The following GLG1 variants were observed in gnomAD, a reference collection of about 807,000 sequenced individuals.
The protein encoded by GLG1 is golgi glycoprotein 1.
A neutral mutation model predicts 160.5 loss-of-function variants in GLG1; 38 were observed. That is an observed-to-expected ratio of 0.24 (90% CI 0.18 to 0.31). The LOEUF is 0.31. Among genes scored for constraint, GLG1 ranks in the 10% least tolerant of loss-of-function variants. The pLI, the probability that GLG1 is intolerant of heterozygous loss-of-function variation, is 1.00. For missense variants in GLG1, 1,373 were observed against 1,505.2 expected, an observed-to-expected ratio of 0.91 and a Z score of 1.45; for synonymous variants, 644 against 543.4, an observed-to-expected ratio of 1.19 and a Z score of -2.57.
chr16:74,518,797 A>G (rs1380739043), intron 2 of GLG1, among the ~76,000 whole-genome samples: 2 of 152,196 alleles, frequency 1.3e-5, no homozygotes, highest in African/African-American at 2.4e-5. Flanking sequence ...CAATCTATCC[A>G]TGTGACAAAG....
chr16:74,579,320 C>A (rs1423877022), intron 1 of GLG1, among the ~76,000 whole-genome samples: 1 of 150,960 alleles, frequency 6.6e-6, no homozygotes, highest in African/African-American at 2.4e-5. Flanking sequence ...GAGGCTGAGA[C>A]AGGAGGATCA....
chr16:74,535,515 G>A (rs947074435), intron 1 of GLG1, among the ~76,000 whole-genome samples: 15 of 152,082 alleles, frequency 9.9e-5, no homozygotes, highest in Admixed American at 1.3e-4. Context: ...TCAATACAGC[G>A]TCCACCTCTT....
chr16:74,484,079 C>T (rs990928832), intron 9 of GLG1, among the ~76,000 whole-genome samples: 1 of 152,032 alleles, frequency 6.6e-6, no homozygotes, highest in African/African-American at 2.4e-5. Flanking sequence ...CTTCCCTCTC[C>T]CCTGCCCCCT....
chr16:74,579,727 AAAAAC>A (rs751889571), intron 1 of GLG1, among the ~76,000 whole-genome samples: 1 of 151,314 alleles, frequency 6.6e-6, no homozygotes, highest in Non-Finnish European at 1.5e-5. Flanking sequence ...CTCAAAAACA[AAAAAC>A]AAAACAAAAC....
intron 1 of GLG1, among the ~76,000 whole-genome samples, chr16:74,549,344 A>G (rs2018136077): frequency 6.6e-6 from 1 of 152,022 alleles, no homozygotes; most frequent in East Asian, 1.9e-4. Flanking sequence ...CCCAGGCTGA[A>G]GTGCAGTGAT....
chr16:74,498,448 G>GTGTGTATATATATATATATATATA (rs1491436581), intron 4 of GLG1, among the ~76,000 whole-genome samples: 1 of 24,054 alleles, frequency 4.2e-5, no homozygotes, highest in Non-Finnish European at 7.7e-5. Flanking sequence ...AAAAAAAAAA[G>GTGTGTATATATATATATATATATA]TATATATATA....
At chr16:74,585,073 T>G (rs996575196) in intron 1 of GLG1, among the ~76,000 whole-genome samples, 2 of 152,012 alleles carry the variant, frequency 1.3e-5, no homozygotes, top group African/African-American at 4.8e-5. Flanking sequence ...AAAAAAAATT[T>G]TTAAAACCCT....
At chr16:74,472,496 T>C in intron 13 of GLG1, 85 bp from the exon 14 acceptor site, 1 of 1,340,676 alleles carries the variant, frequency 7.5e-7, no homozygotes, top group Non-Finnish European at 1.0e-6. Flanking sequence ...GAATCAGTAA[T>C]ATCTGATGGG....
chr16:74,448,730 C>T lies in GLG1; in HGVS notation c.*4437G>A, dbSNP rs2014168239. ...TTGCGCCACTGCACTCCAGCCTGGGCAACGAGTGAAACTGTGTCTCAAAAG... is the reference window on the plus strand; with the variant it reads ...TTGCGCCACTGCACTCCAGCCTGGGTAACGAGTGAAACTGTGTCTCAAAAG... On this transcript the variant is annotated 3_prime_UTR_variant, in exon 26 of 26. Transcript: ENST00000422840. The T allele has an allele frequency of 9.4e-6, 1 of 105,916 alleles. No individual in the cohort carries two copies. Among genetic ancestry groups the T allele is most frequent in the East Asian group, 3.0e-4 (1 of 3,322 alleles). The allele number at this position is 105,916 out of a possible 1,614,324, so 6.6% of individuals were successfully genotyped here.
chr16:74,534,718 T>G (rs906584075), intron 1 of GLG1, among the ~76,000 whole-genome samples: 11 of 152,088 alleles, frequency 7.2e-5, no homozygotes, highest in Non-Finnish European at 2.9e-5. Context: ...TGTAAGTCTG[T>G]ACCGCCTCCT....
intron 2 of GLG1, among the ~76,000 whole-genome samples, chr16:74,513,277 G>A (rs140266578): frequency 5.3e-5 from 8 of 152,224 alleles, no homozygotes; most frequent in Middle Eastern, 3.4e-3. Flanking sequence ...GAGATACTTA[G>A]AATAAAGTAA....
intron 1 of GLG1, among the ~76,000 whole-genome samples, chr16:74,537,740 GT>G (rs1313808495): frequency 7.0e-6 from 1 of 143,518 alleles, no homozygotes; most frequent in Non-Finnish European, 1.5e-5. Flanking sequence ...TGAATTTCAA[GT>G]TTTTTTAATG....
intron 2 of GLG1, among the ~76,000 whole-genome samples, chr16:74,519,007 A>G (rs1045314855): frequency 6.6e-6 from 1 of 152,192 alleles, no homozygotes; most frequent in African/African-American, 2.4e-5. Context: ...AGGATTATAA[A>G]TCATTATATG....
At chr16:74,588,849 G>C (rs545978435) in intron 1 of GLG1, among the ~76,000 whole-genome samples, 61 of 152,070 alleles carry the variant, frequency 4.0e-4, no homozygotes, top group African/African-American at 1.4e-3. Flanking sequence ...AGATTAAAAG[G>C]GTTCCATAAA....
At position 74,459,157 on chromosome 16, in the gene GLG1, T is replaced by C. The variant is rs369189574; in HGVS notation, c.3144+525A>G. Among the ~76,000 whole-genome samples the C allele has an allele frequency of 4.1e-4, 63 of 152,330 alleles. No homozygotes were observed. In the South Asian group the frequency reaches 0.013, roughly 31 times the overall value. ...GCACACAATGTTCTCAATTATTCAA[T>C]AATGACATCAGTGAAATTCTTTTTT... On this transcript the variant is annotated intron_variant, in intron 23 of 25. Coordinates refer to ENST00000422840, the MANE Select transcript of GLG1 (RefSeq NM_001145667.2).
At chr16:74,565,945 T>A (rs1296926764) in intron 1 of GLG1, among the ~76,000 whole-genome samples, 1 of 152,214 alleles carries the variant, frequency 6.6e-6, no homozygotes, top group African/African-American at 2.4e-5. Context: ...CATGCCTTCT[T>A]AGGCTCCTTG....
intron 1 of GLG1, among the ~76,000 whole-genome samples, chr16:74,553,449 C>G (rs1055062595): frequency 4.0e-4 from 55 of 139,004 alleles, no homozygotes; most frequent in African/African-American, 1.3e-3. Flanking sequence ...CTGGAACATT[C>G]TTTTTTTGGT....
intron 21 of GLG1, 107 bp downstream of exon 21, chr16:74,462,380 GA>G: frequency 3.6e-6 from 4 of 1,099,478 alleles, no homozygotes; most frequent in African/African-American, 1.6e-5. Flanking sequence ...GGGAAGATAT[GA>G]AAAAGGTCTT....
intron 19 of GLG1, among the ~76,000 whole-genome samples, chr16:74,463,736 TTG>T (rs1567458595): frequency 1.5e-4 from 23 of 149,714 alleles, no homozygotes; most frequent in African/African-American, 4.2e-4. Flanking sequence ...GTTTTTTTTG[TTG>T]TTGTTGTTGT....
Sources: gnomAD v4.1 joint callset for allele counts (sites outside exome capture counted in the v4.1 genomes callset) on GRCh38, gnomAD v4.1.1 for gene constraint, MANE v1.5 for transcripts, NCBI Gene and HGNC (gene_info 2026-07-23, HGNC 2026-07-21) for gene names.